Variants in TNS3 observed in about 807,000 individuals in gnomAD.
TNS3 encodes the protein tensin-3.
A neutral mutation model predicts 140.9 loss-of-function variants in TNS3; 45 were observed. The ratio of observed to expected loss-of-function variants is 0.32; its 90% CI spans 0.25 to 0.41. The LOEUF is 0.41. TNS3 is among the 10% of genes least tolerant of loss of function. TNS3 has a pLI of 1.00. For synonymous variants in TNS3, 815 were observed against 788.4 expected (o/e 1.03, Z -0.56); for missense variants, 1,716 against 1,906.7 (o/e 0.90, Z 1.86).
chr7:47,487,288 G>A (rs963299200), intron 3 of TNS3, among the ~76,000 whole-genome samples: 6 of 106,566 alleles, frequency 5.6e-5, no homozygotes, highest in Admixed American at 1.1e-4. Context: ...GCAAGACTCC[G>A]TCTCAAAAGA....
At chr7:47,391,720 C>A (rs10255355) in intron 16 of TNS3, among the ~76,000 whole-genome samples, 4 of 152,034 alleles carry the variant, frequency 2.6e-5, no homozygotes, top group Non-Finnish European at 5.9e-5. Context: ...GACACATATG[C>A]TGCTGTGGGC....
In TNS3 at chr7:47,389,068, AGAAGAAGAAGAAGAAGAG is replaced by A. The variant is rs1562675035; in HGVS notation, c.1024+7714_1024+7731del. Among the ~76,000 whole-genome samples, 36 of 59,768 alleles carry A rather than the reference AGAAGAAGAAGAAGAAGAG, an allele frequency of 6.0e-4. 4 individuals are homozygous for A. Among genetic ancestry groups the A allele is most frequent in the African/African-American group, 2.3e-3 (33 of 14,146 alleles). 39.2% of individuals were successfully genotyped at this position (59,768 alleles called of 152,430 possible). On this transcript the variant is annotated intron_variant, in intron 16 of 30. Coordinates refer to ENST00000311160, the MANE Select transcript of TNS3 (RefSeq NM_022748.12). Reference sequence around the variant, plus strand: ...AAGAAGAAGAAGAAGAAGAAGAAGAAGAAGAAGAAGAAGAAGAGGAAGAGGAAGAGGAAGCGGAAGCAG... The same window carrying A: ...AAGAAGAAGAAGAAGAAGAAGAAGAAGAAGAGGAAGAGGAAGCGGAAGCAG...
At chr7:47,408,978 T>G (rs2347786) in intron 13 of TNS3, among the ~76,000 whole-genome samples, 2 of 152,082 alleles carry the variant, frequency 1.3e-5, no homozygotes, top group South Asian at 4.2e-4. Flanking sequence ...AACGGGATCC[T>G]CTAGGGCAAA....
chr7:47,411,935 T>C (rs1170299536), intron 12 of TNS3, 133 bp from the exon 13 acceptor site: 4 of 810,540 alleles, frequency 4.9e-6, no homozygotes, highest in Non-Finnish European at 7.9e-6. Context: ...CAGAATCTAA[T>C]TCCTGAGAAT....
intron 4 of TNS3, among the ~76,000 whole-genome samples, chr7:47,459,521 C>T (rs1584707612): frequency 6.6e-6 from 1 of 152,268 alleles, no homozygotes; most frequent in East Asian, 1.9e-4. Context: ...GCACCTTCAT[C>T]CCCTCCCAGG....
chr7:47,445,684 T>G (rs1267096049), intron 4 of TNS3, among the ~76,000 whole-genome samples: 1 of 152,140 alleles, frequency 6.6e-6, no homozygotes, highest in Admixed American at 6.5e-5. Flanking sequence ...GGGTTAAATC[T>G]GGAACCAAGT....
At position 47,528,200 on chromosome 7, in the gene TNS3, G is replaced by C. The variant is rs1393562815; in HGVS notation, c.-153+836C>G. Among the ~76,000 whole-genome samples, 2 of 152,120 alleles carry C rather than the reference G, an allele frequency of 1.3e-5. 1 individual carries two copies. Among genetic ancestry groups the C allele is most frequent in the Non-Finnish European group, 2.9e-5 (2 of 68,022 alleles). On this transcript the variant is annotated intron_variant, in intron 2 of 30. Transcript: ENST00000311160. ...TCCCAAGAGCCCCTTAGAGGCCCCT[G>C]GTCACATCCTCAACCCATTAAGGTT...
chr7:47,550,364 AAGATAAACGCGT>A (rs1234389354), intron 1 of TNS3, among the ~76,000 whole-genome samples: 1 of 152,206 alleles, frequency 6.6e-6, no homozygotes, highest in East Asian at 1.9e-4. Flanking sequence ...CCCTTTGCAA[AAGATAAACGCGT>A]AGAACAAATG....
chr7:47,292,747 G>A, intron 26 of TNS3, 81 bp downstream of exon 26: 1 of 1,254,324 alleles, frequency 8.0e-7, no homozygotes, highest in Middle Eastern at 1.9e-4. Flanking sequence ...TTTCTCAGTG[G>A]ATCTTCATGG....
At chr7:47,512,952 G>T (rs1336514364) in intron 2 of TNS3, among the ~76,000 whole-genome samples, 2 of 152,128 alleles carry the variant, frequency 1.3e-5, no homozygotes, top group African/African-American at 4.8e-5. Flanking sequence ...ACTTTTGCGT[G>T]ACAAACAGGC....
At chr7:47,425,966 T>G (rs140009851) in intron 9 of TNS3, among the ~76,000 whole-genome samples, 53 of 152,126 alleles carry the variant, frequency 3.5e-4, no homozygotes, top group Non-Finnish European at 5.6e-4. Context: ...TGTATAAGAA[T>G]GTGTTCATCA....
At chr7:47,405,577 T>C in intron 13 of TNS3, 1 of 702,886 alleles carries the variant, frequency 1.4e-6, no homozygotes, top group South Asian at 1.5e-5. Flanking sequence ...AATTGAAAGG[T>C]GGGTAAATAT....
rs368366225 is a variant in TNS3, at chr7:47,415,216, G to A, written c.474-10C>T. The A allele has an allele frequency of 4.1e-5, 65 of 1,590,258 alleles. No homozygotes were observed. In the African/African-American group the frequency reaches 5.7e-4, roughly 14 times the overall value. ...GAGGAACTGAACATACCTGCAAAACGGACAGCTGGGTTACACTTCCCAGAA... is the reference window on the plus strand; with the variant it reads ...GAGGAACTGAACATACCTGCAAAACAGACAGCTGGGTTACACTTCCCAGAA... On this transcript the variant is annotated splice_polypyrimidine_tract_variant and intron_variant, in intron 10 of 30. Transcript: ENST00000311160.
chr7:47,503,216 G>A (rs1284470112), intron 3 of TNS3, among the ~76,000 whole-genome samples: 1 of 152,080 alleles, frequency 6.6e-6, no homozygotes, highest in Non-Finnish European at 1.5e-5. Flanking sequence ...CAACTCTAAG[G>A]AGCAAATGTG....
intron 8 of TNS3, among the ~76,000 whole-genome samples, chr7:47,433,883 ATCTC>A (rs55743320): frequency 0.11 from 16,045 of 149,312 alleles, 944 homozygotes; most frequent in Non-Finnish European, 0.14. Context: ...CCGTCTGTCT[ATCTC>A]TCTCTCTCTC....
intron 16 of TNS3, among the ~76,000 whole-genome samples, chr7:47,374,729 G>C (rs561427582): frequency 6.6e-6 from 1 of 152,350 alleles, no homozygotes; most frequent in East Asian, 1.9e-4. Context: ...CTCCTTAACT[G>C]ATGAGAGAAT....
At chr7:47,409,115 G>A (rs746887926) in intron 13 of TNS3, among the ~76,000 whole-genome samples, 2 of 152,152 alleles carry the variant, frequency 1.3e-5, no homozygotes, top group Non-Finnish European at 2.9e-5. Context: ...GAAGGAGGGA[G>A]GGAGCAGAGA....
chr7:47,328,405 G>A (rs1202164270), intron 20 of TNS3, among the ~76,000 whole-genome samples: 1 of 152,002 alleles, frequency 6.6e-6, no homozygotes, highest in Admixed American at 6.6e-5. Context: ...CCTCCCTGCT[G>A]AAACCCAACC....
intron 4 of TNS3, among the ~76,000 whole-genome samples, chr7:47,478,609 T>C (rs1797285549): frequency 6.6e-6 from 1 of 152,124 alleles, no homozygotes; most frequent in Non-Finnish European, 1.5e-5. Context: ...TGTGTAACAT[T>C]TATATACATA....
Sources: gnomAD v4.1 joint callset for allele counts (sites outside exome capture counted in the v4.1 genomes callset) on GRCh38, gnomAD v4.1.1 for gene constraint, MANE v1.5 for transcripts, NCBI Gene and HGNC (gene_info 2026-07-23, HGNC 2026-07-21) for gene names.